Variants in PDGFC observed in about 807,000 individuals in gnomAD.
The protein encoded by PDGFC is platelet-derived growth factor C.
A neutral mutation model predicts 35.5 loss-of-function variants in PDGFC; 12 were observed. That is an observed-to-expected ratio of 0.34 (90% CI 0.22 to 0.55). The LOEUF is 0.55. Among genes scored for constraint, PDGFC ranks in the 20% least tolerant of loss-of-function variants. The pLI is 0.91. For synonymous variants in PDGFC, 159 were observed against 148.8 expected (o/e 1.07, Z -0.50); for missense variants, 322 against 412.4 (o/e 0.78, Z 1.90).
chr4:156,813,087 C>T (rs950969052), intron 2 of PDGFC, among the ~76,000 whole-genome samples: 19 of 151,734 alleles, frequency 1.3e-4, no homozygotes, highest in African/African-American at 2.9e-4. Flanking sequence ...GTGTGTGGTT[C>T]GGGGATGGTG....
intron 2 of PDGFC, among the ~76,000 whole-genome samples, chr4:156,812,190 T>C (rs910339876): frequency 6.6e-6 from 1 of 152,060 alleles, no homozygotes; most frequent in Non-Finnish European, 1.5e-5. Flanking sequence ...ATACTAGATA[T>C]ACCATTTTCA....
intron 1 of PDGFC, among the ~76,000 whole-genome samples, chr4:156,903,949 T>C (rs1193570697): frequency 1.3e-5 from 2 of 152,176 alleles, no homozygotes; most frequent in Non-Finnish European, 2.9e-5. Context: ...ACTAGTGTGA[T>C]TTAATGTTCA....
chr4:156,794,041 T>C (rs1203331189), intron 3 of PDGFC, among the ~76,000 whole-genome samples: 1 of 152,170 alleles, frequency 6.6e-6, no homozygotes. Flanking sequence ...ATGGATGATA[T>C]AATTTGTATC....
intron 2 of PDGFC, among the ~76,000 whole-genome samples, chr4:156,831,144 C>T (rs1728922504): frequency 6.6e-6 from 1 of 152,146 alleles, no homozygotes; most frequent in African/African-American, 2.4e-5. Context: ...TTCGCACATA[C>T]ATAATAGAGT....
intron 2 of PDGFC, among the ~76,000 whole-genome samples, chr4:156,816,804 A>C (rs1461303568): frequency 6.6e-6 from 1 of 152,204 alleles, no homozygotes; most frequent in African/African-American, 2.4e-5. Context: ...AACTGCAGAG[A>C]ATTTCTGTAT....
At chr4:156,802,776 G>A (rs1422375083) in intron 3 of PDGFC, among the ~76,000 whole-genome samples, 3 of 151,970 alleles carry the variant, frequency 2.0e-5, no homozygotes, top group Non-Finnish European at 4.4e-5. Flanking sequence ...GACAATAGTG[G>A]GCAAGCCCAT....
At chr4:156,969,739 T>G (rs928361131) in intron 1 of PDGFC, among the ~76,000 whole-genome samples, 3 of 152,226 alleles carry the variant, frequency 2.0e-5, no homozygotes, top group Non-Finnish European at 4.4e-5. Flanking sequence ...GCATTCTGAA[T>G]AGATGATATA....
intron 1 of PDGFC, among the ~76,000 whole-genome samples, chr4:156,879,811 A>G (rs564732782): frequency 6.6e-6 from 1 of 152,324 alleles, no homozygotes; most frequent in East Asian, 1.9e-4. Flanking sequence ...CTGATCATAT[A>G]TTAATTACCA....
chr4:156,888,495 T>C (rs1730428167), intron 1 of PDGFC, among the ~76,000 whole-genome samples: 1 of 152,190 alleles, frequency 6.6e-6, no homozygotes, highest in Admixed American at 6.5e-5. Context: ...CAAAATATTC[T>C]GTAAAGAACA....
chr4:156,784,057 G>A (rs1398598289), intron 3 of PDGFC, among the ~76,000 whole-genome samples: 1 of 152,164 alleles, frequency 6.6e-6, no homozygotes, highest in Non-Finnish European at 1.5e-5. Context: ...ATAAGTGGAG[G>A]TGTATTGACA....
At chr4:156,906,294 A>C (rs556232214) in intron 1 of PDGFC, among the ~76,000 whole-genome samples, 1 of 152,124 alleles carries the variant, frequency 6.6e-6, no homozygotes, top group East Asian at 1.9e-4. Flanking sequence ...CCTTTTTTCC[A>C]TTTCAATTAT....
chr4:156,811,829 T>C (rs1481757277), intron 2 of PDGFC, among the ~76,000 whole-genome samples: 2 of 152,174 alleles, frequency 1.3e-5, no homozygotes, highest in East Asian at 1.9e-4. Context: ...GGGAACATTT[T>C]AGGTTGTCTC....
intron 3 of PDGFC, among the ~76,000 whole-genome samples, chr4:156,806,048 T>C (rs1216425334): frequency 6.6e-6 from 1 of 152,112 alleles, no homozygotes; most frequent in African/African-American, 2.4e-5. Context: ...ACTTACATAC[T>C]ATACTATATT....
intron 1 of PDGFC, among the ~76,000 whole-genome samples, chr4:156,854,950 T>C (rs1729538704): frequency 6.6e-6 from 1 of 152,068 alleles, no homozygotes; most frequent in Non-Finnish European, 1.5e-5. Flanking sequence ...ATACTACATT[T>C]TAAAAATTAT....
At chr4:156,779,173 G>T (rs1429467634) in intron 3 of PDGFC, 8 of 456,046 alleles carry the variant, frequency 1.8e-5, no homozygotes, top group Middle Eastern at 3.2e-4. Context: ...AAAGACACAA[G>T]AATGTCCTGA....
intron 2 of PDGFC, among the ~76,000 whole-genome samples, chr4:156,842,830 T>G (rs1729237016): frequency 1.3e-5 from 2 of 152,206 alleles, no homozygotes; most frequent in South Asian, 4.1e-4. Context: ...TTCGTGAGTG[T>G]CCATTAGGTA....
At chr4:156,862,154 G>A (rs183720521) in intron 1 of PDGFC, among the ~76,000 whole-genome samples, 13 of 152,072 alleles carry the variant, frequency 8.5e-5, no homozygotes, top group Admixed American at 6.6e-4. Flanking sequence ...TAGCTTTCCA[G>A]GAAGAAATTT....
At chr4:156,805,064 G>A (rs1731722612) in intron 3 of PDGFC, among the ~76,000 whole-genome samples, 1 of 151,974 alleles carries the variant, frequency 6.6e-6, no homozygotes, top group African/African-American at 2.4e-5. Flanking sequence ...AAAGGAATCA[G>A]TAGAAATGAA....
chr4:156,803,063 CAGA>C lies in PDGFC; in HGVS notation c.495+7771_495+7773del, dbSNP rs1731660112. Among the ~76,000 whole-genome samples, 5 of 152,210 alleles carry C rather than the reference CAGA, an allele frequency of 3.3e-5. No homozygotes were observed. In the East Asian group the frequency reaches 9.7e-4, roughly 29 times the overall value. On this transcript the variant is annotated intron_variant, in intron 3 of 5. Coordinates refer to ENST00000502773, the MANE Select transcript of PDGFC (RefSeq NM_016205.3). ...TCAAAAGGAATACTCAGGATGATGG[CAGA>C]AGGAGACTGCAAGGATGACGGTTTG... is the stretch of plus-strand genomic sequence containing the variant.
Sources: allele counts gnomAD v4.1 joint callset (sites outside exome capture counted in the v4.1 genomes callset), GRCh38; gene constraint gnomAD v4.1.1; transcripts MANE v1.5; gene names NCBI Gene and HGNC (gene_info 2026-07-23, HGNC 2026-07-21).